Variants in GXYLT2 observed in about 807,000 individuals in gnomAD.
GXYLT2 encodes the protein glycosyltransferase 8 domain containing 4.
A neutral mutation model predicts 45.8 loss-of-function variants in GXYLT2; 53 were observed. The observed-to-expected ratio is 1.16, with a 90% confidence interval of 0.93 to 1.46. GXYLT2 has a LOEUF of 1.46. Ranked by LOEUF, GXYLT2 falls within the 40% of genes most tolerant of loss-of-function variation. GXYLT2 has a pLI of 0.00. For synonymous variants in GXYLT2, 219 were observed against 214.2 expected, an observed-to-expected ratio of 1.02 and a Z score of -0.19; for missense variants, 551 against 544.4, an observed-to-expected ratio of 1.01 and a Z score of -0.12.
chr3:72,921,808 G>A (rs1380861735), intron 2 of GXYLT2, among the ~76,000 whole-genome samples: 1 of 152,172 alleles, frequency 6.6e-6, no homozygotes, highest in Non-Finnish European at 1.5e-5. Flanking sequence ...CATTTTGATT[G>A]TTCCCAAGTT....
chr3:72,922,360 T>C lies in GXYLT2; in HGVS notation c.600+25T>C, dbSNP rs770760122. 14 of 1,600,572 alleles carry C rather than the reference T, an allele frequency of 8.7e-6. No homozygotes were observed. In the South Asian group the frequency reaches 1.2e-4, roughly 14 times the overall value. ...GGTAGGAACACCTGTTTTTAATAAG[T>C]TGTAGCTTGCTCCTGGAAATAAGGT... On this transcript the variant is annotated intron_variant, in intron 3 of 6. Transcript: ENST00000389617.
intron 4 of GXYLT2, 114 bp from the exon 5 acceptor site, chr3:72,957,115 C>T: frequency 1.9e-6 from 2 of 1,080,166 alleles, no homozygotes; most frequent in Non-Finnish European, 2.6e-6. Flanking sequence ...AGGACCCCTC[C>T]TGTATTTGTT....
At chr3:72,970,062 T>A (rs9833179) in intron 6 of GXYLT2, among the ~76,000 whole-genome samples, 9 of 151,228 alleles carry the variant, frequency 6.0e-5, no homozygotes, top group African/African-American at 2.2e-4. Flanking sequence ...CAAAAAAAAA[T>A]AAAATCGGCC....
intron 2 of GXYLT2, among the ~76,000 whole-genome samples, chr3:72,911,656 C>G (rs1709625017): frequency 6.6e-6 from 1 of 152,138 alleles, no homozygotes; most frequent in African/African-American, 2.4e-5. Context: ...CCCCTTCAAG[C>G]CTTCAGATGA....
At chr3:72,940,622 T>C (rs549635293) in intron 3 of GXYLT2, among the ~76,000 whole-genome samples, 1 of 152,306 alleles carries the variant, frequency 6.6e-6, no homozygotes, top group African/African-American at 2.4e-5. Context: ...ATTGTTTGTA[T>C]GTTTTTACAA....
At chr3:72,892,226 A>C (rs577081907) in intron 1 of GXYLT2, among the ~76,000 whole-genome samples, 15 of 152,292 alleles carry the variant, frequency 9.8e-5, no homozygotes, top group African/African-American at 3.4e-4. Flanking sequence ...CAAAATCCCA[A>C]CAATGGTTAT....
At position 72,967,673 on chromosome 3, in the gene GXYLT2, A is replaced by C. The variant is rs1440498566; in HGVS notation, c.1103A>C (p.Asp368Ala). The C allele has an allele frequency of 6.2e-7, 1 of 1,613,996 alleles. No individual in the cohort carries two copies. The highest frequency in any genetic ancestry group is 2.2e-5 in the East Asian group (1 of 44,874). ...CATGGAAACCGAGGCGTCTACCATG[A>C]CGATAAGCAACCAACGTTCAGAGCA... is the stretch of plus-strand genomic sequence containing the variant. Reference protein sequence around the residue: ...VLHGNRGVYHDDKQPTFRALY... With the variant: ...VLHGNRGVYHADKQPTFRALY... Residue 368 changes from aspartate to alanine, a missense_variant, in exon 6 of 7, where the codon GAC becomes GCC. Physicochemically the swap from Asp to Ala is moderately radical, Grantham distance 126. Transcript: ENST00000389617.
In GXYLT2 at chr3:72,888,452, G is replaced by T. The variant is rs1375863492; in HGVS notation, c.219G>T (p.Pro73=). The T allele has an allele frequency of 1.6e-5, 20 of 1,215,088 alleles. No homozygotes were observed. Among genetic ancestry groups the T allele is most frequent in the Non-Finnish European group, 1.5e-5 (15 of 973,608 alleles). The allele number at this position is 1,215,088 out of a possible 1,614,324, so 75.3% of individuals were successfully genotyped here. Residue 73 remains proline (P), a synonymous_variant, in exon 1 of 7, where the codon CCG becomes CCT. Coordinates refer to ENST00000389617, the MANE Select transcript of GXYLT2 (RefSeq NM_001080393.2). ...ASPGVRRRRP[P]RPRPRAGRRG... The stretch of plus-strand genomic sequence containing the variant: ...CGGGAGTTCGGAGGCGCCGGCCCCC[G>T]CGTCCGCGCCCCCGAGCGGGCCGCC...
chr3:72,913,198 C>G (rs377158863), intron 2 of GXYLT2, among the ~76,000 whole-genome samples: 1 of 150,464 alleles, frequency 6.6e-6, no homozygotes. Context: ...CCACCACGCC[C>G]GGCTAATTTT....
intron 1 of GXYLT2, among the ~76,000 whole-genome samples, chr3:72,896,472 G>A (rs1709293365): frequency 6.6e-6 from 1 of 152,120 alleles, no homozygotes. Context: ...TGTGGGGGTA[G>A]GTATGACTTG....
chr3:72,932,780 C>A (rs1044929572), intron 3 of GXYLT2, among the ~76,000 whole-genome samples: 3 of 152,130 alleles, frequency 2.0e-5, no homozygotes, highest in Non-Finnish European at 4.4e-5. Context: ...CAAAGTGTGG[C>A]CTTTAGAAAA....
intron 2 of GXYLT2, among the ~76,000 whole-genome samples, chr3:72,913,409 C>T (rs1013576626): frequency 1.3e-5 from 2 of 151,550 alleles, no homozygotes; most frequent in Admixed American, 1.3e-4. Context: ...AAAAACTAGG[C>T]AGGGGATGGG....
intron 3 of GXYLT2, among the ~76,000 whole-genome samples, chr3:72,928,335 G>T (rs6549489): frequency 0.77 from 117,125 of 152,178 alleles, 45,722 homozygotes; most frequent in African/African-American, 0.91. Flanking sequence ...AGTGAGAATC[G>T]GTGACATTTG....
intron 1 of GXYLT2, among the ~76,000 whole-genome samples, chr3:72,891,542 C>G (rs2107054871): frequency 6.6e-6 from 1 of 152,284 alleles, no homozygotes; most frequent in African/African-American, 2.4e-5. Flanking sequence ...AAGGTCTGAG[C>G]TTTTCTGTCA....
chr3:72,955,688 C>T (rs1162805256), intron 4 of GXYLT2, among the ~76,000 whole-genome samples: 6 of 152,224 alleles, frequency 3.9e-5, no homozygotes, highest in African/African-American at 7.2e-5. Flanking sequence ...AAGTCCGTGA[C>T]GATATTTGTA....
intron 2 of GXYLT2, among the ~76,000 whole-genome samples, chr3:72,918,016 C>T (rs566323128): frequency 6.6e-6 from 1 of 152,066 alleles, no homozygotes; most frequent in Admixed American, 6.6e-5. Context: ...TCCTGGAAAA[C>T]GCCAGATAGT....
intron 4 of GXYLT2, among the ~76,000 whole-genome samples, chr3:72,956,975 A>T (rs1362354037): frequency 6.7e-6 from 1 of 148,838 alleles, no homozygotes; most frequent in Non-Finnish European, 1.5e-5. Flanking sequence ...AATTCCAGGC[A>T]TGGTTTTCTG....
chr3:72,888,604 G>C lies in GXYLT2; in HGVS notation c.275+96G>C, dbSNP rs974337410. 1.3e-4 allele frequency: 118 copies of C among 892,024 alleles called. No individual in the cohort carries two copies. In the African/African-American group the frequency reaches 1.9e-3, roughly 14 times the overall value. The allele number at this position is 892,024 out of a possible 1,614,324, so 55.3% of individuals were successfully genotyped here. ...AGGGAGGCTTTGCGCTGGAGAGACA[G>C]ATTTCCAAGTTTCACCCACGGGCTG... is the stretch of plus-strand genomic sequence containing the variant. On this transcript the variant is annotated intron_variant, in intron 1 of 6. Coordinates refer to ENST00000389617, the MANE Select transcript of GXYLT2 (RefSeq NM_001080393.2).
At chr3:72,959,739 A>G (rs965432590) in intron 5 of GXYLT2, among the ~76,000 whole-genome samples, 5 of 151,226 alleles carry the variant, frequency 3.3e-5, no homozygotes, top group Non-Finnish European at 7.4e-5. Flanking sequence ...GGTTCAAGCA[A>G]TTCTCCTATC....
Sources: allele counts gnomAD v4.1 joint callset (sites outside exome capture counted in the v4.1 genomes callset), GRCh38; gene constraint gnomAD v4.1.1; transcripts MANE v1.5; gene names NCBI Gene and HGNC (gene_info 2026-07-23, HGNC 2026-07-21).